The following PHF20 variants were observed in gnomAD, a reference collection of about 807,000 sequenced individuals.
The protein encoded by PHF20 is PHD finger protein 20, also known as glioma-expressed antigen 2.
PHF20 carries 23 observed loss-of-function variants against 113.5 expected under a neutral mutation model. The ratio of observed to expected loss-of-function variants is 0.20; its 90% CI spans 0.15 to 0.29. PHF20 has a LOEUF of 0.29. Ranked by LOEUF, PHF20 falls within the 10% of genes least tolerant of loss-of-function variation. PHF20 has a pLI of 1.00. For synonymous variants in PHF20, 434 were observed against 457.3 expected, an observed-to-expected ratio of 0.95 and a Z score of 0.65; for missense variants, 943 against 1,219.6, an observed-to-expected ratio of 0.77 and a Z score of 3.38.
intron 1 of PHF20, among the ~76,000 whole-genome samples, chr20:35,773,371 G>A (rs753689474): frequency 2.6e-4 from 40 of 152,090 alleles, no homozygotes; most frequent in Non-Finnish European, 4.1e-4. Context: ...CACTCCCCTT[G>A]AGGTGCTTTC....
intron 4 of PHF20, among the ~76,000 whole-genome samples, chr20:35,851,572 C>T (rs1391737266): frequency 6.6e-6 from 1 of 151,914 alleles, no homozygotes; most frequent in Admixed American, 6.6e-5. Flanking sequence ...TTGTGCTTCC[C>T]CCCCAACCCC....
chr20:35,822,424 CAAAAAAAA>C (rs113601542), intron 2 of PHF20, among the ~76,000 whole-genome samples: 4 of 124,254 alleles, frequency 3.2e-5, no homozygotes, highest in Non-Finnish European at 5.2e-5. Flanking sequence ...GACCCTGTTT[CAAAAAAAA>C]AAAGAAAAAA....
chr20:35,907,908 T>A (rs933961177), intron 10 of PHF20, among the ~76,000 whole-genome samples: 3 of 152,222 alleles, frequency 2.0e-5, no homozygotes, highest in African/African-American at 7.2e-5. Flanking sequence ...CCCACTAAAA[T>A]TATGTGACTA....
intron 2 of PHF20, among the ~76,000 whole-genome samples, chr20:35,824,229 A>G (rs1342731439): frequency 6.6e-6 from 1 of 152,142 alleles, no homozygotes; most frequent in Non-Finnish European, 1.5e-5. Context: ...CATTGTTGTC[A>G]GCACTTGGTG....
At chr20:35,933,656 C>T (rs1356911484) in intron 15 of PHF20, among the ~76,000 whole-genome samples, 1 of 152,126 alleles carries the variant, frequency 6.6e-6, no homozygotes, top group Non-Finnish European at 1.5e-5. Context: ...CTCAGCCTCC[C>T]AAAGTGCTGA....
At chr20:35,815,260 G>T (rs937615610) in intron 2 of PHF20, among the ~76,000 whole-genome samples, 2 of 151,878 alleles carry the variant, frequency 1.3e-5, no homozygotes, top group African/African-American at 4.8e-5. Context: ...CATAGAATAT[G>T]CATGGTGTAA....
chr20:35,791,537 G>GTGTATA lies in PHF20; in HGVS notation c.-32-9953_-32-9952insGTATAT, dbSNP rs372219422. The stretch of plus-strand genomic sequence containing the variant: ...ATATACATATATATCTTAGAATAGT[G>GTGTATA]TATATATATATATATATATATATAT... On this transcript the variant is annotated intron_variant, in intron 1 of 17. Coordinates refer to ENST00000374012, the MANE Select transcript of PHF20 (RefSeq NM_016436.5). Among the ~76,000 whole-genome samples the GTGTATA allele has an allele frequency of 8.8e-4, 112 of 127,208 alleles. 2 individuals are homozygous for GTGTATA. Among genetic ancestry groups the GTGTATA allele is most frequent in the African/African-American group, 2.8e-3 (95 of 33,418 alleles). The allele number at this position is 127,208 out of a possible 152,430, so 83.5% of individuals were successfully genotyped here.
chr20:35,883,428 G>A (rs908186091), intron 9 of PHF20, among the ~76,000 whole-genome samples: 1 of 152,094 alleles, frequency 6.6e-6, no homozygotes, highest in Non-Finnish European at 1.5e-5. Flanking sequence ...TATTGTAGAG[G>A]TTGGTAAAAT....
At chr20:35,920,111 C>G (rs1281582435) in intron 13 of PHF20, among the ~76,000 whole-genome samples, 1 of 152,180 alleles carries the variant, frequency 6.6e-6, no homozygotes, top group African/African-American at 2.4e-5. Context: ...GAGATTCCCT[C>G]CTGGTACCCA....
chr20:35,886,613 T>A (rs1385858071), intron 9 of PHF20, among the ~76,000 whole-genome samples: 1 of 152,146 alleles, frequency 6.6e-6, no homozygotes, highest in African/African-American at 2.4e-5. Flanking sequence ...AGGGAACACA[T>A]GACAATGAGA....
At chr20:35,855,241 C>CCAA in intron 4 of PHF20, 1 of 1,330,848 alleles carries the variant, frequency 7.5e-7, no homozygotes, top group Non-Finnish European at 9.9e-7. Flanking sequence ...GCTTTGCTTG[C>CCAA]CAACACCCTG....
intron 2 of PHF20, among the ~76,000 whole-genome samples, chr20:35,802,701 G>T (rs2041802605): frequency 6.6e-6 from 1 of 152,022 alleles, no homozygotes; most frequent in Non-Finnish European, 1.5e-5. Context: ...ACTTTGGGAG[G>T]CCGAGGTGGG....
intron 9 of PHF20, among the ~76,000 whole-genome samples, chr20:35,877,457 A>C (rs6058342): frequency 0.078 from 11,457 of 147,100 alleles, 673 homozygotes; most frequent in South Asian, 0.2. Flanking sequence ...TTTTATTTTT[A>C]TTTTTTATTT....
intron 11 of PHF20, 80 bp downstream of exon 11, chr20:35,913,427 T>C: frequency 1.0e-6 from 1 of 958,648 alleles, no homozygotes. Flanking sequence ...TTATGGCCTC[T>C]GGGCCTGCGC....
intron 9 of PHF20, among the ~76,000 whole-genome samples, chr20:35,880,530 A>G (rs1311114769): frequency 6.6e-6 from 1 of 152,168 alleles, no homozygotes; most frequent in Non-Finnish European, 1.5e-5. Flanking sequence ...TTCTGCATAT[A>G]TTTTAAAGAA....
At chr20:35,865,404 G>A (rs1483411314) in intron 6 of PHF20, among the ~76,000 whole-genome samples, 1 of 151,548 alleles carries the variant, frequency 6.6e-6, no homozygotes, top group Non-Finnish European at 1.5e-5. Context: ...CAGAGTCTGA[G>A]GCAGGAAGGT....
chr20:35,826,083 C>T (rs1328599479), intron 2 of PHF20, among the ~76,000 whole-genome samples: 1 of 152,004 alleles, frequency 6.6e-6, no homozygotes, highest in Admixed American at 6.6e-5. Context: ...TCGCTCTTGT[C>T]CCCCAGGCTG....
chr20:35,895,088 A>T (rs936741964), intron 9 of PHF20, among the ~76,000 whole-genome samples: 2 of 152,002 alleles, frequency 1.3e-5, no homozygotes, highest in African/African-American at 2.4e-5. Context: ...CAGTGGCGTG[A>T]TCTTGACCCA....
At chr20:35,876,923 G>A (rs1031719956) in intron 9 of PHF20, among the ~76,000 whole-genome samples, 5 of 150,878 alleles carry the variant, frequency 3.3e-5, no homozygotes, top group South Asian at 4.2e-4. Context: ...TGTCTAACAC[G>A]GTGAAACCCC....
Sources: gnomAD v4.1 joint callset for allele counts (sites outside exome capture counted in the v4.1 genomes callset) on GRCh38, gnomAD v4.1.1 for gene constraint, MANE v1.5 for transcripts, NCBI Gene and HGNC (gene_info 2026-07-23, HGNC 2026-07-21) for gene names.